The following RABGAP1L variants were observed in gnomAD, a reference collection of about 807,000 sequenced individuals.
RABGAP1L encodes the protein rab GTPase-activating protein 1-like.
RABGAP1L carries 63 observed loss-of-function variants against 137.7 expected under a neutral mutation model. The ratio of observed to expected loss-of-function variants is 0.46; its 90% CI spans 0.37 to 0.56. RABGAP1L has a LOEUF of 0.56. RABGAP1L is among the 20% of genes least tolerant of loss of function. The pLI is 0.00. For synonymous variants in RABGAP1L, 431 were observed against 433.7 expected (o/e 0.99, Z 0.08); for missense variants, 1,095 against 1,244.0 (o/e 0.88, Z 1.80).
chr1:174,413,094 A>T (rs947072331), intron 13 of RABGAP1L, among the ~76,000 whole-genome samples: 1 of 152,174 alleles, frequency 6.6e-6, no homozygotes, highest in Non-Finnish European at 1.5e-5. Flanking sequence ...CAGGAATGCC[A>T]GTAATTCATA....
intron 13 of RABGAP1L, among the ~76,000 whole-genome samples, chr1:174,527,539 T>C (rs568773600): frequency 2.3e-4 from 35 of 152,288 alleles, no homozygotes; most frequent in Non-Finnish European, 4.6e-4. Flanking sequence ...TATTGAGACT[T>C]GTTTTGTGCC....
intron 1 of RABGAP1L, 21 bp from the exon 2 acceptor site, chr1:174,219,104 T>TA: frequency 1.3e-6 from 2 of 1,484,040 alleles, no homozygotes; most frequent in Non-Finnish European, 1.8e-6. Flanking sequence ...TTTTTTTTTT[T>TA]AATCCCTTTT....
chr1:174,226,336 G>A (rs1304789986), intron 3 of RABGAP1L, among the ~76,000 whole-genome samples: 6 of 152,282 alleles, frequency 3.9e-5, no homozygotes, highest in Non-Finnish European at 5.9e-5. Context: ...CAAAGTGGGC[G>A]GATCACTTGA....
chr1:174,351,535 C>T (rs1392271087), intron 11 of RABGAP1L, among the ~76,000 whole-genome samples: 1 of 152,090 alleles, frequency 6.6e-6, no homozygotes, highest in Non-Finnish European at 1.5e-5. Context: ...AGTCTGCTTG[C>T]CAGACATATT....
At chr1:174,436,317 T>C (rs1463563668) in intron 13 of RABGAP1L, among the ~76,000 whole-genome samples, 1 of 152,208 alleles carries the variant, frequency 6.6e-6, no homozygotes, top group Non-Finnish European at 1.5e-5. Context: ...CCAGCACCTG[T>C]TGTTTCCTGA....
intron 13 of RABGAP1L, among the ~76,000 whole-genome samples, chr1:174,626,156 C>T (rs774934620): frequency 1.3e-5 from 2 of 152,166 alleles, no homozygotes; most frequent in Admixed American, 6.5e-5. Flanking sequence ...ACCCTGAGAA[C>T]GAAGGCATAT....
chr1:174,390,274 A>G (rs905801348), intron 12 of RABGAP1L, among the ~76,000 whole-genome samples: 69 of 152,238 alleles, frequency 4.5e-4, no homozygotes, highest in Non-Finnish European at 3.2e-4. Flanking sequence ...TTGATTTTTA[A>G]GAGAGGAGAA....
intron 13 of RABGAP1L, among the ~76,000 whole-genome samples, chr1:174,516,792 C>T (rs11589511): frequency 3.5e-4 from 53 of 151,736 alleles, no homozygotes; most frequent in Non-Finnish European, 6.2e-4. Flanking sequence ...AGAATTTGAA[C>T]GGTGATTTTT....
intron 19 of RABGAP1L, among the ~76,000 whole-genome samples, chr1:174,886,324 T>C (rs1236540540): frequency 6.6e-6 from 1 of 152,186 alleles, no homozygotes; most frequent in African/African-American, 2.4e-5. Context: ...AAACCAATAT[T>C]ACATCAAAAC....
At chr1:174,763,378 C>T (rs1227136337) in intron 18 of RABGAP1L, among the ~76,000 whole-genome samples, 5 of 138,744 alleles carry the variant, frequency 3.6e-5, no homozygotes, top group South Asian at 4.8e-4. Flanking sequence ...TGGCCGGGCG[C>T]GGTGGCTCAC....
intron 13 of RABGAP1L, among the ~76,000 whole-genome samples, chr1:174,455,772 C>G (rs1482428628): frequency 6.6e-6 from 1 of 152,068 alleles, no homozygotes; most frequent in Non-Finnish European, 1.5e-5. Flanking sequence ...TTTGGAAACA[C>G]TTATAACGCT....
Position 174,838,857 on chromosome 1 carries a change from G to A in RABGAP1L, c.2340+26897G>A, listed in dbSNP as rs1192160157. 9.0e-5 allele frequency among the ~76,000 whole-genome samples: 12 copies of A among 133,372 alleles called. 1 individual carries two copies. The highest frequency in any genetic ancestry group is 5.9e-4 in the Admixed American group (7 of 11,936). 87.5% of individuals were successfully genotyped at this position (133,372 alleles called of 152,430 possible). ...GGCGTGAACCCGGGAGGCGGAGCTT[G>A]TAGTGAGCCGAGATCGCACCACTGC... is the stretch of plus-strand genomic sequence containing the variant. On this transcript the variant is annotated intron_variant, in intron 19 of 25. Transcript: ENST00000681986.
chr1:174,343,037 C>T (rs757643134), intron 11 of RABGAP1L, among the ~76,000 whole-genome samples: 1 of 151,550 alleles, frequency 6.6e-6, no homozygotes, highest in African/African-American at 2.4e-5. Flanking sequence ...CTGCACCTAG[C>T]CAGAAATTTT....
chr1:174,900,209 G>A (rs1657909156), intron 19 of RABGAP1L, among the ~76,000 whole-genome samples: 1 of 152,166 alleles, frequency 6.6e-6, no homozygotes, highest in African/African-American at 2.4e-5. Context: ...TAGACAAAAT[G>A]CACACACAAC....
At position 174,877,389 on chromosome 1, in the gene RABGAP1L, C is replaced by T. The variant is rs554931957; in HGVS notation, c.2340+65429C>T. On this transcript the variant is annotated intron_variant, in intron 19 of 25. Transcript: ENST00000681986. ...TTTTGACACTCCACCCCCTCGAACT[C>T]AGGTGGGTGTGTACACTGGCACTGA... 7 of 1,512,516 alleles carry T rather than the reference C, an allele frequency of 4.6e-6. No individual in the cohort carries two copies. The East Asian group carries it at 1.3e-4, about 27-fold the overall frequency. 93.7% of individuals were successfully genotyped at this position (1,512,516 alleles called of 1,614,324 possible). A position where few individuals can be genotyped will look rare whatever the true frequency, so the allele number is the denominator to read the frequency against.
At chr1:174,948,763 G>A (rs1341623344) in intron 19 of RABGAP1L, 4 of 152,048 alleles carry the variant, frequency 2.6e-5, no homozygotes, top group South Asian at 2.1e-4. Flanking sequence ...GAATGTGCTC[G>A]ATCCATCCCA....
chr1:174,181,590 G>A (rs1220918303), intron 1 of RABGAP1L, among the ~76,000 whole-genome samples: 1 of 152,092 alleles, frequency 6.6e-6, no homozygotes, highest in African/African-American at 2.4e-5. Context: ...GCCCACCTCG[G>A]CCTCCCAAAG....
chr1:174,401,641 T>G (rs921564171), intron 13 of RABGAP1L, among the ~76,000 whole-genome samples: 1 of 152,184 alleles, frequency 6.6e-6, no homozygotes, highest in African/African-American at 2.4e-5. Context: ...ATTCATTCAT[T>G]ATTTATCAAA....
intron 13 of RABGAP1L, among the ~76,000 whole-genome samples, chr1:174,476,896 C>T (rs1658562558): frequency 6.6e-6 from 1 of 152,154 alleles, no homozygotes; most frequent in African/African-American, 2.4e-5. Context: ...TTCAAGGTTA[C>T]AGATCATACA....
Sources: allele counts gnomAD v4.1 joint callset (sites outside exome capture counted in the v4.1 genomes callset), GRCh38; gene constraint gnomAD v4.1.1; transcripts MANE v1.5; gene names NCBI Gene and HGNC (gene_info 2026-07-23, HGNC 2026-07-21).